The following SP4 variants were observed in gnomAD, a reference collection of about 807,000 sequenced individuals.
SP4 encodes the protein Sp4 transcription factor.
SP4 carries 19 observed loss-of-function variants against 72.8 expected under a neutral mutation model. The observed-to-expected ratio is 0.26, with a 90% CI of 0.18 to 0.38. The LOEUF is 0.38. Among genes scored for constraint, SP4 ranks in the 10% least tolerant of loss-of-function variants. The pLI is 1.00. For synonymous variants in SP4, 395 were observed against 333.1 expected (o/e 1.19, Z -2.02); for missense variants, 1,008 against 926.3 (o/e 1.09, Z -1.14).
intron 3 of SP4, among the ~76,000 whole-genome samples, chr7:21,437,984 T>A (rs1318663837): frequency 4.0e-5 from 6 of 151,054 alleles, no homozygotes; most frequent in African/African-American, 9.7e-5. Context: ...TTGTGACAGC[T>A]GTCTTTAGAT....
intron 4 of SP4, among the ~76,000 whole-genome samples, chr7:21,478,755 T>C (rs770608094): frequency 2.6e-5 from 4 of 152,206 alleles, no homozygotes; most frequent in African/African-American, 7.2e-5. Context: ...ACAAATTCCT[T>C]ATCAGATATA....
chr7:21,450,477 G>A (rs1583394842), intron 3 of SP4, among the ~76,000 whole-genome samples: 1 of 152,022 alleles, frequency 6.6e-6, no homozygotes, highest in African/African-American at 2.4e-5. Context: ...ATAAGTATTG[G>A]ATCCAGTTTG....
At chr7:21,482,879 A>G (rs899827863) in intron 5 of SP4, 5 of 353,210 alleles carry the variant, frequency 1.4e-5, no homozygotes, top group Non-Finnish European at 2.0e-5. Flanking sequence ...ATTTTATCAC[A>G]TGAGTCTACC....
chr7:21,481,461 C>T (rs1047437213), intron 4 of SP4, among the ~76,000 whole-genome samples: 2 of 152,156 alleles, frequency 1.3e-5, no homozygotes, highest in Non-Finnish European at 2.9e-5. Flanking sequence ...CTTTTAGAAC[C>T]ATTTCCAGAG....
chr7:21,428,199 C>CCCCCCCCCCA lies in SP4; in HGVS notation c.-53_-52insCCCCCCCCCA. 1 of 1,119,136 alleles carries CCCCCCCCCCA rather than the reference C, an allele frequency of 8.9e-7. No individual in the cohort carries two copies. The highest frequency in any genetic ancestry group is 1.3e-6 in the Non-Finnish European group (1 of 767,808). 69.3% of individuals were successfully genotyped at this position (1,119,136 alleles called of 1,614,324 possible). ...TCTCCTCCCGCCTCGCCCCCACCCC[C>CCCCCCCCCCA]ACCCACCTCTATCCCAGTGTCTCCG... On this transcript the variant is annotated 5_prime_UTR_variant, in exon 1 of 6. Coordinates refer to ENST00000222584, the MANE Select transcript of SP4 (RefSeq NM_003112.5).
intron 5 of SP4, among the ~76,000 whole-genome samples, chr7:21,503,718 C>G (rs1583449539): frequency 6.6e-6 from 1 of 152,314 alleles, no homozygotes; most frequent in East Asian, 1.9e-4. Flanking sequence ...TTTAGTCTTC[C>G]TACTTTGGGC....
chr7:21,461,032 C>A (rs1281185008), intron 3 of SP4, among the ~76,000 whole-genome samples: 1 of 152,156 alleles, frequency 6.6e-6, no homozygotes, highest in African/African-American at 2.4e-5. Flanking sequence ...GTTTACAAAC[C>A]TTGAGCTAGA....
At chr7:21,496,909 C>T (rs1781722655) in intron 5 of SP4, among the ~76,000 whole-genome samples, 1 of 152,194 alleles carries the variant, frequency 6.6e-6, no homozygotes, top group Non-Finnish European at 1.5e-5. Flanking sequence ...TCATGCTATT[C>T]TGAGCAGGCT....
chr7:21,467,199 G>A (rs1252723077), intron 3 of SP4, among the ~76,000 whole-genome samples: 3 of 151,966 alleles, frequency 2.0e-5, no homozygotes, highest in African/African-American at 7.3e-5. Flanking sequence ...CTCACACTTT[G>A]TGACAACCAA....
intron 3 of SP4, among the ~76,000 whole-genome samples, chr7:21,446,663 A>G (rs572580278): frequency 8.5e-5 from 13 of 152,344 alleles, no homozygotes; most frequent in African/African-American, 2.4e-4. Context: ...AAGCACAAAT[A>G]TGTAGGTACT....
chr7:21,460,013 A>G (rs1477163613), intron 3 of SP4, among the ~76,000 whole-genome samples: 1 of 152,250 alleles, frequency 6.6e-6, no homozygotes, highest in African/African-American at 2.4e-5. Flanking sequence ...ACTAAAATTA[A>G]GAGCAGGATG....
chr7:21,467,083 A>G (rs950107547), intron 3 of SP4, among the ~76,000 whole-genome samples: 22 of 152,196 alleles, frequency 1.4e-4, no homozygotes, highest in African/African-American at 5.3e-4. Context: ...TAATCTCAGC[A>G]TTATTGACAT....
chr7:21,489,659 A>C (rs1784921436), intron 5 of SP4, among the ~76,000 whole-genome samples: 1 of 144,734 alleles, frequency 6.9e-6, no homozygotes, highest in Non-Finnish European at 1.5e-5. Flanking sequence ...TCCTGGGTTC[A>C]TGCCATTCTC....
intron 3 of SP4, 47 bp from the exon 4 acceptor site, chr7:21,477,032 T>G: frequency 7.1e-7 from 1 of 1,404,932 alleles, no homozygotes; most frequent in Non-Finnish European, 9.9e-7. Context: ...ATCCTTTCTT[T>G]AGGTGTAGAA....
rs1223877821 is a variant in SP4 at position 21,441,992 on chromosome 7, ATGTGTG to A, written c.1678+11157_1678+11162del. 2.8e-5 allele frequency among the ~76,000 whole-genome samples: 3 copies of A among 107,736 alleles called. No individual in the cohort carries two copies. In the East Asian group the frequency reaches 8.1e-4, roughly 29 times the overall value. The allele number at this position is 107,736 out of a possible 152,430, so 70.7% of individuals were successfully genotyped here. A position where few individuals can be genotyped will look rare whatever the true frequency, so the allele number is the denominator to read the frequency against. ...TTACATTTTATTTTTATTTCATTTTATGTGTGTGTGTGTTTGTGTGTGTGTGTGTGT... is the reference window on the plus strand; with the variant it reads ...TTACATTTTATTTTTATTTCATTTTATGTGTGTTTGTGTGTGTGTGTGTGT... On this transcript the variant is annotated intron_variant, in intron 3 of 5. Coordinates refer to ENST00000222584, the MANE Select transcript of SP4 (RefSeq NM_003112.5).
chr7:21,514,650 G>A lies in SP4; in HGVS notation c.*3381G>A, dbSNP rs565567369. ...TGGGGCTGTAATTGACATTTTTACA[G>A]TGCTGATTTGTATAAAATTTGTTTT... On this transcript the variant is annotated 3_prime_UTR_variant, in exon 6 of 6. Coordinates refer to ENST00000222584, the MANE Select transcript of SP4 (RefSeq NM_003112.5). The A allele has an allele frequency of 6.6e-6, 1 of 152,116 alleles. No individual in the cohort carries two copies. The highest frequency in any genetic ancestry group is 2.1e-4 in the South Asian group (1 of 4,820). The allele number at this position is 152,116 out of a possible 1,614,324, so 9.4% of individuals were successfully genotyped here.
At chr7:21,467,743 T>C (rs571367320) in intron 3 of SP4, among the ~76,000 whole-genome samples, 1 of 152,266 alleles carries the variant, frequency 6.6e-6, no homozygotes, top group South Asian at 2.1e-4. Flanking sequence ...TCAATCTAGG[T>C]AGGCTCAGTT....
intron 5 of SP4, among the ~76,000 whole-genome samples, chr7:21,490,599 G>A (rs1784950047): frequency 6.6e-6 from 1 of 152,194 alleles, no homozygotes; most frequent in African/African-American, 2.4e-5. Context: ...ACTAGAAGGT[G>A]AGACAACTGG....
In SP4 at chr7:21,428,661, G is replaced by T. The variant is rs1403930856; in HGVS notation, c.8-16G>T. The T allele has an allele frequency of 2.0e-6, 3 of 1,534,610 alleles. No individual in the cohort carries two copies. The highest frequency in any genetic ancestry group is 2.7e-6 in the Non-Finnish European group (3 of 1,132,048). On this transcript the variant is annotated splice_polypyrimidine_tract_variant and intron_variant, in intron 1 of 5. Transcript: ENST00000222584. ...AACCTGTTGTCGTGTGTGTGTGGTG[G>T]GGGGGTTTGTTGCAGATCAGAAGAA...
Sources: allele counts gnomAD v4.1 joint callset (sites outside exome capture counted in the v4.1 genomes callset), GRCh38; gene constraint gnomAD v4.1.1; transcripts MANE v1.5; gene names NCBI Gene and HGNC (gene_info 2026-07-23, HGNC 2026-07-21).